SMIM45: variants seen among roughly 807,000 people sequenced by gnomAD.
The protein encoded by SMIM45 is long intergenic non-protein coding RNA 634.
the SMIM45 span, chr22:41,946,982 G>GA: frequency 3.1e-6 from 5 of 1,608,678 alleles, no homozygotes; most frequent in Non-Finnish European, 3.4e-6. Context: ...CGCCCAGGAG[G>GA]AAAAACCGGC....
chr22:41,954,650 T>G, the SMIM45 span, among the ~76,000 whole-genome samples: 1 of 152,134 alleles, frequency 6.6e-6, no homozygotes, highest in East Asian at 1.9e-4. Flanking sequence ...TGACCGCACA[T>G]AGTGTGCCAT....
chr22:41,946,962 G>A, the SMIM45 span: 2 of 1,564,672 alleles, frequency 1.3e-6, no homozygotes, highest in Non-Finnish European at 1.8e-6. Context: ...TGACCTAGTG[G>A]CTGAAGCACC....
At chr22:41,955,634 G>A in the SMIM45 span, among the ~76,000 whole-genome samples, 2,720 of 151,972 alleles carry the variant, frequency 0.018, 96 homozygotes, top group African/African-American at 0.063. Flanking sequence ...GTGAAACCCC[G>A]TCTCTACTAA....
At chr22:41,949,258 G>T in the SMIM45 span, among the ~76,000 whole-genome samples, 6 of 150,886 alleles carry the variant, frequency 4.0e-5, no homozygotes, top group Admixed American at 1.3e-4. Context: ...AAAAAAAAAT[G>T]AAAGATAAAC....
At chr22:41,958,110 G>T in the SMIM45 span, 1 of 338,938 alleles carries the variant, frequency 3.0e-6, no homozygotes, top group Non-Finnish European at 5.9e-6. Context: ...TGCTCTCCGT[G>T]TCAAGCCGAC....
At chr22:41,949,200 G>A in the SMIM45 span, among the ~76,000 whole-genome samples, 1 of 151,332 alleles carries the variant, frequency 6.6e-6, no homozygotes, top group African/African-American at 2.4e-5. Context: ...AGCTGAGATC[G>A]CACCACTGCA....
At chr22:41,950,884 C>T in the SMIM45 span, among the ~76,000 whole-genome samples, 3 of 152,288 alleles carry the variant, frequency 2.0e-5, no homozygotes, top group Admixed American at 6.5e-5. Flanking sequence ...CCCAGCTCCT[C>T]GGAAGGCTGA....
chr22:41,958,866 C>T, the SMIM45 span: 1 of 160,674 alleles, frequency 6.2e-6, no homozygotes, highest in Non-Finnish European at 1.4e-5. Flanking sequence ...CAACCTGCCT[C>T]ACCCCGCCCC....
chr22:41,958,399 G>A, the SMIM45 span: 2 of 456,474 alleles, frequency 4.4e-6, no homozygotes, highest in Admixed American at 2.4e-5. Context: ...GCCGCACCCC[G>A]CGGGGCTCAG....
At chr22:41,951,105 G>C in the SMIM45 span, among the ~76,000 whole-genome samples, 3 of 152,268 alleles carry the variant, frequency 2.0e-5, no homozygotes, top group Non-Finnish European at 4.4e-5. Context: ...TGTGGTGGGG[G>C]ACCTAGGTCC....
the SMIM45 span, among the ~76,000 whole-genome samples, chr22:41,949,243 C>CA: frequency 0.11 from 14,811 of 133,042 alleles, 1,282 homozygotes; most frequent in East Asian, 0.53. Context: ...GACTCCATCT[C>CA]AAAAAAAAAA....
chr22:41,957,351 G>T, the SMIM45 span, among the ~76,000 whole-genome samples: 1 of 132,284 alleles, frequency 7.6e-6, no homozygotes, highest in Non-Finnish European at 1.7e-5. Flanking sequence ...GCGCCACCAC[G>T]CCCGGCTAAT....
chr22:41,947,212 T>G, the SMIM45 span: 1 of 751,378 alleles, frequency 1.3e-6, no homozygotes, highest in Non-Finnish European at 2.2e-6. Context: ...ACGGGGCCTC[T>G]TAAAGGAACC....
At chr22:41,956,535 C>T in the SMIM45 span, among the ~76,000 whole-genome samples, 1 of 152,218 alleles carries the variant, frequency 6.6e-6, no homozygotes, top group African/African-American at 2.4e-5. Context: ...GGGGCAGGTG[C>T]TGGCAACTGG....
the SMIM45 span, among the ~76,000 whole-genome samples, chr22:41,956,231 G>A: frequency 5.3e-5 from 8 of 152,014 alleles, no homozygotes; most frequent in East Asian, 1.9e-4. Flanking sequence ...GGCTGGTCTC[G>A]AAGTCCTGGG....
chr22:41,958,294 A>G, the SMIM45 span: 25 of 456,372 alleles, frequency 5.5e-5, no homozygotes, highest in African/African-American at 4.0e-4. Flanking sequence ...CCTCCACTCA[A>G]TGGCACCGGC....
chr22:41,953,741 T>G, the SMIM45 span, among the ~76,000 whole-genome samples: 2 of 35,188 alleles, frequency 5.7e-5, no homozygotes, highest in Non-Finnish European at 8.7e-5. Flanking sequence ...CTGTGATCTG[T>G]TTTTTTTTTT....
chr22:41,954,735 C>T, the SMIM45 span, among the ~76,000 whole-genome samples: 3 of 152,060 alleles, frequency 2.0e-5, no homozygotes, highest in African/African-American at 4.8e-5. Flanking sequence ...GGGCCGAGCA[C>T]GGTGGCTCAT....
At chr22:41,951,197 A>T in the SMIM45 span, among the ~76,000 whole-genome samples, 1 of 152,224 alleles carries the variant, frequency 6.6e-6, no homozygotes. Context: ...TGGTTCCTGG[A>T]AGCCTTTTCC....
Sources: allele counts gnomAD v4.1 joint callset (sites outside exome capture counted in the v4.1 genomes callset), GRCh38; gene constraint gnomAD v4.1.1; transcripts MANE v1.5; gene names NCBI Gene and HGNC (gene_info 2026-07-23, HGNC 2026-07-21).